Variants in DUSP12 observed in about 807,000 individuals in gnomAD.
DUSP12 encodes the protein dual specificity protein phosphatase 12.
A neutral mutation model predicts 38.9 loss-of-function variants in DUSP12; 25 were observed. The observed-to-expected ratio is 0.64, with a 90% confidence interval of 0.47 to 0.90. The LOEUF (loss-of-function observed/expected upper bound fraction) is 0.90, where lower values mean the gene tolerates loss of function less well. Among genes scored for constraint, DUSP12 ranks in the 40% least tolerant of loss-of-function variants. DUSP12 has a pLI of 0.00. For missense variants in DUSP12, 403 were observed against 427.0 expected (o/e 0.94, Z 0.50); for synonymous variants, 153 against 153.9 (o/e 0.99, Z 0.05).
intron 5 of DUSP12, among the ~76,000 whole-genome samples, chr1:161,756,483 C>CTATATATATATATATATATA (rs10527814): frequency 2.4e-5 from 3 of 124,698 alleles, no homozygotes; most frequent in Non-Finnish European, 3.5e-5. Context: ...GATTTAAAAG[C>CTATATATATATATATATATA]TATATATATA....
In DUSP12 at chr1:161,750,165, G is replaced by T. The variant is rs1683992817; in HGVS notation, c.344+20G>T. On this transcript the variant is annotated intron_variant, in intron 1 of 5. Transcript: ENST00000367943. ...GCACTGGTGAGTGGCCGGGTCAGTG[G>T]GTGACGTGCCCCGCCAAGCTTCCAG... 6.3e-7 allele frequency: 1 copy of T among 1,591,174 alleles called. No individual in the cohort carries two copies. Among genetic ancestry groups the T allele is most frequent in the Non-Finnish European group, 8.5e-7 (1 of 1,171,524 alleles).
intron 1 of DUSP12, among the ~76,000 whole-genome samples, chr1:161,750,609 C>T (rs1194808116): frequency 6.6e-6 from 1 of 152,154 alleles, no homozygotes; most frequent in Non-Finnish European, 1.5e-5. Flanking sequence ...GATCCCTGGG[C>T]TTTGCCTAGG....
Position 161,750,140 on chromosome 1 carries a change from G to A in DUSP12, c.339G>A (p.Val113=), listed in dbSNP as rs1169080958. The change falls in exon 1 of 6, where the codon GTG becomes GTA. Residue 113 remains valine, a synonymous_variant. Transcript: ENST00000367943. ...GCGCTGAGGGCCGTGCGGTGTTGGTGCACTGGTGAGTGGCCGGGTCAGTGG... is the reference window on the plus strand; with the variant it reads ...GCGCTGAGGGCCGTGCGGTGTTGGTACACTGGTGAGTGGCCGGGTCAGTGG... ...QARAEGRAVL[V]HCHAGVSRSV... is the part of the protein sequence containing the mutation. The A allele has an allele frequency of 1.6e-5, 25 of 1,611,312 alleles. No homozygotes were observed. The highest frequency in any genetic ancestry group is 2.0e-5 in the Non-Finnish European group (24 of 1,179,172).
rs768750888 is a variant in DUSP12 at position 161,753,275 on chromosome 1, T to A, written c.861+14T>A. 7.2e-6 allele frequency: 11 copies of A among 1,532,474 alleles called. No homozygotes were observed. The highest frequency in any genetic ancestry group is 3.5e-4 in the Middle Eastern group (2 of 5,732). The allele number at this position is 1,532,474 out of a possible 1,614,324, so 94.9% of individuals were successfully genotyped here. ...ATGGATGGACAGGTGAGAACACATT[T>A]TATTTTCTACAATTTTATTTTATGA... On this transcript the variant is annotated intron_variant, in intron 5 of 5. Coordinates refer to ENST00000367943, the MANE Select transcript of DUSP12 (RefSeq NM_007240.3).
intron 4 of DUSP12, 141 bp from the exon 5 acceptor site, chr1:161,752,934 G>A: frequency 1.4e-6 from 1 of 729,500 alleles, no homozygotes; most frequent in Non-Finnish European, 2.1e-6. Context: ...AGGTTGCAGT[G>A]AGCCATGATC....
intron 1 of DUSP12, among the ~76,000 whole-genome samples, chr1:161,750,521 A>G (rs1259001176): frequency 6.6e-6 from 1 of 152,218 alleles, no homozygotes; most frequent in Non-Finnish European, 1.5e-5. Flanking sequence ...GGGATTTACA[A>G]AGATTTAGGG....
At chr1:161,750,234 A>C in intron 1 of DUSP12, 89 bp downstream of exon 1, 1 of 1,425,504 alleles carries the variant, frequency 7.0e-7, no homozygotes, top group Non-Finnish European at 9.5e-7. Flanking sequence ...TCGGGAGGAC[A>C]AGAGCGCGGT....
At chr1:161,755,318 A>G (rs192559407) in intron 5 of DUSP12, among the ~76,000 whole-genome samples, 2 of 152,330 alleles carry the variant, frequency 1.3e-5, no homozygotes, top group Admixed American at 1.3e-4. Flanking sequence ...AATCCTGTGC[A>G]TACTTATTTG....
At chr1:161,752,180 C>T (rs534180697) in intron 3 of DUSP12, among the ~76,000 whole-genome samples, 188 bp from the exon 4 acceptor site, 2 of 152,194 alleles carry the variant, frequency 1.3e-5, no homozygotes, top group East Asian at 1.9e-4. Flanking sequence ...AGCCCGTGCC[C>T]AGAACCTAAG....
Position 161,751,721 on chromosome 1 carries a change from C to T in DUSP12, c.398C>T (p.Thr133Ile), listed in dbSNP as rs2101693871. The change falls in exon 2 of 6, where the codon ACT becomes ATT. Residue 133 changes from threonine to isoleucine, a missense_variant. Coordinates refer to ENST00000367943, the MANE Select transcript of DUSP12 (RefSeq NM_007240.3). ...ATAATAACTGCTTTTCTCATGAAGACTGACCAACTTCCCTTTGAAAAAGCC... is the reference window on the plus strand; with the variant it reads ...ATAATAACTGCTTTTCTCATGAAGATTGACCAACTTCCCTTTGAAAAAGCC... ...VAIITAFLMK[T>I]DQLPFEKAYE... The T allele has an allele frequency of 6.2e-7, 1 of 1,613,548 alleles. No homozygotes were observed. Among genetic ancestry groups the T allele is most frequent in the Middle Eastern group, 1.7e-4 (1 of 6,060 alleles).
intron 1 of DUSP12, among the ~76,000 whole-genome samples, chr1:161,750,809 C>G (rs1357178944): frequency 1.3e-5 from 2 of 152,086 alleles, no homozygotes; most frequent in Non-Finnish European, 2.9e-5. Flanking sequence ...CCTGTAGTCC[C>G]AGCTACTCGG....
chr1:161,749,800 C>A lies in DUSP12; in HGVS notation c.-2C>A, dbSNP rs768589864. On this transcript the variant is annotated 5_prime_UTR_variant, in exon 1 of 6. Coordinates refer to ENST00000367943, the MANE Select transcript of DUSP12 (RefSeq NM_007240.3). ...GAAGCCGCCTTGTCTCTGGGCGCGG[C>A]CATGTTGGAGGCTCCGGGCCCGAGT... is the stretch of plus-strand genomic sequence containing the variant. The A allele has an allele frequency of 3.8e-6, 6 of 1,567,922 alleles. No individual in the cohort carries two copies. Among genetic ancestry groups the A allele is most frequent in the South Asian group, 1.2e-5 (1 of 85,972 alleles).
At chr1:161,750,341 A>T (rs529874664) in intron 1 of DUSP12, among the ~76,000 whole-genome samples, 196 bp downstream of exon 1, 15 of 152,310 alleles carry the variant, frequency 9.8e-5, no homozygotes, top group South Asian at 4.1e-4. Context: ...GCAGGCTTTC[A>T]TTCATTCATG....
Position 161,751,701 on chromosome 1 carries a change from A to T in DUSP12, c.378A>T (p.Ile126=), listed in dbSNP as rs1181151289. The T allele has an allele frequency of 6.2e-7, 1 of 1,613,086 alleles. No individual in the cohort carries two copies. Among genetic ancestry groups the T allele is most frequent in the South Asian group, 1.1e-5 (1 of 90,766 alleles). The part of the protein sequence containing the change: ...HAGVSRSVAI[I]TAFLMKTDQL... ...GAGTCAGTCGAAGTGTGGCCATAAT[A>T]ACTGCTTTTCTCATGAAGACTGACC... Residue 126 remains isoleucine (I), a synonymous_variant, in exon 2 of 6, where the codon ATA becomes ATT. Coordinates refer to ENST00000367943, the MANE Select transcript of DUSP12 (RefSeq NM_007240.3).
chr1:161,756,226 G>A (rs1274568617), intron 5 of DUSP12, among the ~76,000 whole-genome samples: 2 of 151,946 alleles, frequency 1.3e-5, no homozygotes, highest in African/African-American at 4.8e-5. Context: ...CTTATACCAT[G>A]CATAAATCAA....
In DUSP12 at chr1:161,749,869, G is replaced by A; in HGVS notation, c.68G>A (p.Cys23Tyr). 1 of 1,610,860 alleles carries A rather than the reference G, an allele frequency of 6.2e-7. No individual in the cohort carries two copies. Residue 23 changes from cysteine (C) to tyrosine (Y), a missense_variant, in exon 1 of 6, where the codon TGT becomes TAT. Cys to Tyr is a radical substitution (Grantham distance 194, BLOSUM62 -2). Coordinates refer to ENST00000367943, the MANE Select transcript of DUSP12 (RefSeq NM_007240.3). Reference protein sequence around the residue: ...LSNPSASRVSCAGQMLEVQPG... With the variant: ...LSNPSASRVSYAGQMLEVQPG... The stretch of plus-strand genomic sequence containing the variant: ...AACCCCAGCGCCAGCAGAGTCAGCT[G>A]TGCCGGGCAGATGCTGGAAGTGCAG...
rs1684055031 is a variant in DUSP12 at position 161,753,221 on chromosome 1, A to G, written c.821A>G (p.Gln274Arg). The G allele has an allele frequency of 1.2e-6, 2 of 1,610,420 alleles. No homozygotes were observed. The highest frequency in any genetic ancestry group is 1.7e-6 in the Non-Finnish European group (2 of 1,178,110). ...QCTSYFIEPVQWMESALLGVM... is the reference protein window; with the variant it reads ...QCTSYFIEPVRWMESALLGVM... ...ACATCTTATTTCATTGAACCTGTAC[A>G]GTGGATGGAATCTGCTTTGTTGGGA... is the stretch of plus-strand genomic sequence containing the variant. Residue 274 changes from glutamine to arginine, a missense_variant, in exon 5 of 6, where the codon CAG becomes CGG. By Grantham distance (43) the Gln-to-Arg change is conservative. Coordinates refer to ENST00000367943, the MANE Select transcript of DUSP12 (RefSeq NM_007240.3).
Position 161,750,071 on chromosome 1 carries a change from A to C in DUSP12, c.270A>C (p.Leu90=). The C allele has an allele frequency of 6.2e-7, 1 of 1,613,828 alleles. No homozygotes were observed. Among genetic ancestry groups the C allele is most frequent in the African/African-American group, 1.3e-5 (1 of 74,994 alleles). ...CGCTGGACAAACCCGAGACGGACCTACTCAGCCATCTGGACCGGTGCGTGG... is the reference window on the plus strand; with the variant it reads ...CGCTGGACAAACCCGAGACGGACCTCCTCAGCCATCTGGACCGGTGCGTGG... The part of the protein sequence containing the change: ...VPALDKPETD[L]LSHLDRCVAF... The change falls in exon 1 of 6, where the codon CTA becomes CTC. Residue 90 remains leucine (L), a synonymous_variant. Coordinates refer to ENST00000367943, the MANE Select transcript of DUSP12 (RefSeq NM_007240.3).
In DUSP12 at chr1:161,753,197, C is replaced by T. The variant is rs767050689; in HGVS notation, c.797C>T (p.Thr266Ile). Residue 266 changes from threonine (T) to isoleucine (I), a missense_variant, in exon 5 of 6, where the codon ACA becomes ATA. Thr to Ile is a moderately conservative substitution (Grantham distance 89). Transcript: ENST00000367943. ...ACCACAGGGAGGCAAGCTCAATGTACATCTTATTTCATTGAACCTGTACAG... is the reference window on the plus strand; with the variant it reads ...ACCACAGGGAGGCAAGCTCAATGTATATCTTATTTCATTGAACCTGTACAG... Reference protein sequence around the residue: ...MLTTGRQAQCTSYFIEPVQWM... With the variant: ...MLTTGRQAQCISYFIEPVQWM... 4 of 1,613,982 alleles carry T rather than the reference C, an allele frequency of 2.5e-6. No individual in the cohort carries two copies. In the East Asian group the frequency reaches 6.7e-5, roughly 27 times the overall value.
Sources: allele counts gnomAD v4.1 joint callset (sites outside exome capture counted in the v4.1 genomes callset), GRCh38; gene constraint gnomAD v4.1.1; transcripts MANE v1.5; gene names NCBI Gene and HGNC (gene_info 2026-07-23, HGNC 2026-07-21).